The following PRKN variants were observed in gnomAD, a reference collection of about 807,000 sequenced individuals.
The protein encoded by PRKN is parkin RBR E3 ubiquitin protein ligase.
A neutral mutation model predicts 59.5 loss-of-function variants in PRKN; 56 were observed. The ratio of observed to expected loss-of-function variants is 0.94; its 90% CI spans 0.76 to 1.18. PRKN has a LOEUF of 1.18. Ranked by LOEUF, PRKN falls within the 50% of genes most tolerant of loss-of-function variation. The pLI is 0.00. For missense variants in PRKN, 657 were observed against 596.4 expected, an observed-to-expected ratio of 1.10 and a Z score of -1.06; for synonymous variants, 250 against 222.1, an observed-to-expected ratio of 1.13 and a Z score of -1.12.
At chr6:162,431,329 A>G (rs1039077789) in intron 2 of PRKN, among the ~76,000 whole-genome samples, 11 of 152,190 alleles carry the variant, frequency 7.2e-5, no homozygotes, top group African/African-American at 1.4e-4. Flanking sequence ...ACAGAAACTT[A>G]AGGAGGGGCC....
chr6:162,675,300 C>T (rs910467802), intron 1 of PRKN, among the ~76,000 whole-genome samples: 4 of 152,060 alleles, frequency 2.6e-5, no homozygotes, highest in Admixed American at 6.6e-5. Context: ...CCCCCCGCCT[C>T]GGCCTCCCAA....
At chr6:162,528,856 T>C (rs1778395254) in intron 1 of PRKN, among the ~76,000 whole-genome samples, 1 of 152,080 alleles carries the variant, frequency 6.6e-6, no homozygotes, top group Non-Finnish European at 1.5e-5. Context: ...AACAGCACCA[T>C]ACTCAGCTTT....
At chr6:162,332,697 C>G (rs1387219532) in intron 2 of PRKN, among the ~76,000 whole-genome samples, 1 of 152,164 alleles carries the variant, frequency 6.6e-6, no homozygotes, top group Non-Finnish European at 1.5e-5. Context: ...AATAGCAAAT[C>G]TTGGAATCGC....
At chr6:162,451,048 G>A (rs1790600606) in intron 1 of PRKN, among the ~76,000 whole-genome samples, 1 of 152,034 alleles carries the variant, frequency 6.6e-6, no homozygotes, top group Non-Finnish European at 1.5e-5. Context: ...TAAAGAAAAA[G>A]ATCTAGATGG....
intron 7 of PRKN, among the ~76,000 whole-genome samples, chr6:161,685,053 T>C (rs1785503273): frequency 6.6e-6 from 1 of 152,228 alleles, no homozygotes; most frequent in Non-Finnish European, 1.5e-5. Context: ...TTTTTTTTCC[T>C]ATTAGAACAT....
At chr6:162,619,977 A>G (rs542042347) in intron 1 of PRKN, among the ~76,000 whole-genome samples, 1 of 152,330 alleles carries the variant, frequency 6.6e-6, no homozygotes, top group African/African-American at 2.4e-5. Flanking sequence ...TTGCACATGC[A>G]TTAACATACA....
At chr6:162,643,430 C>G (rs563764526) in intron 1 of PRKN, among the ~76,000 whole-genome samples, 2 of 129,774 alleles carry the variant, frequency 1.5e-5, no homozygotes, top group East Asian at 2.2e-4. Context: ...GAAAGAACAA[C>G]AAGCATATTT....
At chr6:162,120,132 A>G (rs752493097) in intron 4 of PRKN, among the ~76,000 whole-genome samples, 1 of 152,122 alleles carries the variant, frequency 6.6e-6, no homozygotes, top group Non-Finnish European at 1.5e-5. Flanking sequence ...ATCCTCCCAC[A>G]TCGACGAGTA....
chr6:162,667,277 G>C (rs1779137976), intron 1 of PRKN, among the ~76,000 whole-genome samples: 1 of 151,998 alleles, frequency 6.6e-6, no homozygotes, highest in Non-Finnish European at 1.5e-5. Flanking sequence ...TGCTAGATCA[G>C]AATGCAAAGC....
chr6:162,054,924 G>A (rs1202519920), intron 4 of PRKN, among the ~76,000 whole-genome samples: 1 of 152,194 alleles, frequency 6.6e-6, no homozygotes, highest in African/African-American at 2.4e-5. Context: ...CACTTTGGGA[G>A]GTTGAAGGGG....
At chr6:162,619,706 C>CCAGTCACA (rs201675678) in intron 1 of PRKN, among the ~76,000 whole-genome samples, 1 of 44,868 alleles carries the variant, frequency 2.2e-5, no homozygotes, top group Admixed American at 3.9e-4. Flanking sequence ...TTCACTTTTT[C>CCAGTCACA]CACTCACACA....
chr6:162,224,177 T>C (rs1318260858), intron 3 of PRKN, among the ~76,000 whole-genome samples: 3 of 152,182 alleles, frequency 2.0e-5, no homozygotes. Context: ...ATTTGGCATA[T>C]AGATACACTG....
chr6:161,706,192 A>C (rs1043561873), intron 7 of PRKN, among the ~76,000 whole-genome samples: 2 of 152,164 alleles, frequency 1.3e-5, no homozygotes, highest in African/African-American at 4.8e-5. Context: ...GGATGCTGTC[A>C]TGGCTTTCAC....
intron 9 of PRKN, among the ~76,000 whole-genome samples, chr6:161,510,800 C>T (rs1321861492): frequency 2.0e-5 from 3 of 152,118 alleles, no homozygotes; most frequent in Non-Finnish European, 4.4e-5. Context: ...AATCCTTTAT[C>T]ATTTGAATGA....
chr6:161,460,210 T>G lies in PRKN; in HGVS notation c.1084-73333A>C, dbSNP rs975854615. 1.3e-5 allele frequency among the ~76,000 whole-genome samples: 2 copies of G among 152,188 alleles called. No individual in the cohort carries two copies. Among genetic ancestry groups the G allele is most frequent in the Non-Finnish European group, 2.9e-5 (2 of 68,026 alleles). ...ATAATAGGAATATAATCCGTGTTAT[T>G]TTAGGATGTCACAGAGGTTGCAACA... On this transcript the variant is annotated intron_variant, in intron 9 of 11. Coordinates refer to ENST00000366898, the MANE Select transcript of PRKN (RefSeq NM_004562.3). The surrounding 1 kb of genome is among the most constrained non-coding windows in gnomAD (Gnocchi z 5.0).
intron 9 of PRKN, among the ~76,000 whole-genome samples, chr6:161,479,038 GA>G (rs1181831773): frequency 6.6e-6 from 1 of 152,090 alleles, no homozygotes; most frequent in African/African-American, 2.4e-5. Flanking sequence ...TTGGATGAAA[GA>G]AAAAAGATAT....
At chr6:161,758,006 A>G (rs1407980855) in intron 7 of PRKN, among the ~76,000 whole-genome samples, 2 of 149,594 alleles carry the variant, frequency 1.3e-5, no homozygotes, top group African/African-American at 4.9e-5. Context: ...TAGGAAATGC[A>G]ACATAATTCC....
At chr6:162,470,320 C>G (rs1562788614) in intron 1 of PRKN, among the ~76,000 whole-genome samples, 1 of 152,134 alleles carries the variant, frequency 6.6e-6, no homozygotes, top group Non-Finnish European at 1.5e-5. Context: ...TTTTAGGCAC[C>G]GTGGACACAG....
rs1195288515 is a variant in PRKN, at chr6:161,530,309, C to T, written c.1083+18545G>A. Reference sequence around the variant, plus strand: ...TTCAATATAAAAGTATCATTCCCCACCCAGACCTGTCCCAGTGTCTAGGGA... The same window carrying T: ...TTCAATATAAAAGTATCATTCCCCATCCAGACCTGTCCCAGTGTCTAGGGA... On this transcript the variant is annotated intron_variant, in intron 9 of 11. Transcript: ENST00000366898. The surrounding 1 kb of genome is among the most constrained non-coding windows in gnomAD (Gnocchi z 5.0). 6.6e-6 allele frequency among the ~76,000 whole-genome samples: 1 copy of T among 152,202 alleles called. No individual in the cohort carries two copies. Among genetic ancestry groups the T allele is most frequent in the East Asian group, 1.9e-4 (1 of 5,184 alleles).
Sources: allele counts gnomAD v4.1 joint callset (sites outside exome capture counted in the v4.1 genomes callset), GRCh38; gene constraint gnomAD v4.1.1; non-coding constraint Gnocchi (gnomAD v3.1); transcripts MANE v1.5; gene names NCBI Gene and HGNC (gene_info 2026-07-23, HGNC 2026-07-21).